The following CCPG1 variants were observed in gnomAD, a reference collection of about 807,000 sequenced individuals.
The protein encoded by CCPG1 is cell cycle progression 1.
Under a neutral mutation model 81.3 loss-of-function variants are expected in CCPG1, and 46 were observed. The observed-to-expected ratio is 0.57, with a 90% CI of 0.45 to 0.72. CCPG1 has a LOEUF of 0.72. Ranked by LOEUF, CCPG1 falls within the 30% of genes least tolerant of loss-of-function variation. The pLI is 0.00. For synonymous variants in CCPG1, 330 were observed against 305.2 expected, an observed-to-expected ratio of 1.08 and a Z score of -0.85; for missense variants, 902 against 937.6, an observed-to-expected ratio of 0.96 and a Z score of 0.50.
chr15:55,371,048 G>C (rs2056438904), intron 6 of CCPG1, among the ~76,000 whole-genome samples: 1 of 152,052 alleles, frequency 6.6e-6, no homozygotes, highest in Non-Finnish European at 1.5e-5. Context: ...TGGGAGTGGA[G>C]TTTGCATTGA....
chr15:55,377,029 A>G lies in CCPG1; in HGVS notation c.374T>C (p.Val125Ala). The G allele has an allele frequency of 6.2e-7, 1 of 1,613,974 alleles. No homozygotes were observed. The highest frequency in any genetic ancestry group is 8.5e-7 in the Non-Finnish European group (1 of 1,179,952). The change falls in exon 5 of 9, where the codon GTT (valine) becomes GCT (alanine). Residue 125 changes from valine to alanine, a missense_variant. Transcript: ENST00000442196. ...GTCTTCTGAACTCTGTGCTTCTTCA[A>G]CAATGACAACTTCTTGATTTCCAAT... ...EEIGNQEVVI[V>A]EEAQSSEDFN...
At chr15:55,362,323 A>C (rs2056218910) in intron 7 of CCPG1, among the ~76,000 whole-genome samples, 1 of 146,432 alleles carries the variant, frequency 6.8e-6, no homozygotes, top group African/African-American at 2.7e-5. Context: ...GGATTCAGAA[A>C]TAAGAAAAAA....
intron 8 of CCPG1, chr15:55,358,372 C>G (rs1317116247): frequency 1.0e-6 from 1 of 985,280 alleles, no homozygotes; most frequent in East Asian, 1.1e-4. Context: ...CTACTGTAAT[C>G]TAAAATACAA....
At chr15:55,387,680 G>A (rs1233250368) in intron 2 of CCPG1, among the ~76,000 whole-genome samples, 3 of 151,602 alleles carry the variant, frequency 2.0e-5, no homozygotes, top group Non-Finnish European at 4.4e-5. Context: ...AAATAGCTGG[G>A]ATTACAGGCA....
In CCPG1 at chr15:55,378,360, G is replaced by A. The variant is rs2056609309; in HGVS notation, c.192C>T (p.Gly64=). ...QIEQGESSQN[G]TVLMEETAYP... is the part of the protein sequence containing the mutation. ...AAGCAGTTTCTTCCATAAGCACTGT[G>A]CCATTTTGGCTGCTTTCTGATATAA... The change falls in exon 4 of 9, where the codon GGC becomes GGT. Residue 64 remains glycine (G), a synonymous_variant. Coordinates refer to ENST00000442196, the MANE Select transcript of CCPG1 (RefSeq NM_001204450.2). 6.2e-7 allele frequency: 1 copy of A among 1,607,684 alleles called. No homozygotes were observed. Among genetic ancestry groups the A allele is most frequent in the Non-Finnish European group, 8.5e-7 (1 of 1,176,310 alleles).
At chr15:55,369,026 C>T (rs969182832) in intron 6 of CCPG1, among the ~76,000 whole-genome samples, 2 of 151,990 alleles carry the variant, frequency 1.3e-5, no homozygotes, top group Non-Finnish European at 2.9e-5. Flanking sequence ...ACAGAAGGAT[C>T]GCTTGAACCT....
chr15:55,397,205 C>G (rs2057036098), intron 1 of CCPG1, among the ~76,000 whole-genome samples: 1 of 148,710 alleles, frequency 6.7e-6, no homozygotes, highest in South Asian at 2.1e-4. Flanking sequence ...CAGAGCGAGA[C>G]TCCGTCTCAA....
chr15:55,389,240 G>C (rs1416173281), intron 2 of CCPG1, 125 bp downstream of exon 2: 2 of 665,166 alleles, frequency 3.0e-6, no homozygotes, highest in Non-Finnish European at 5.3e-6. Context: ...TAATATGAGA[G>C]GGAAAATGTC....
intron 6 of CCPG1, among the ~76,000 whole-genome samples, chr15:55,369,665 T>C (rs1433186798): frequency 1.3e-5 from 2 of 152,230 alleles, no homozygotes; most frequent in African/African-American, 2.4e-5. Flanking sequence ...AGGCTTTTCA[T>C]AGCCTGAAAA....
intron 2 of CCPG1, among the ~76,000 whole-genome samples, chr15:55,387,773 G>T (rs72744104): frequency 0.24 from 35,160 of 149,044 alleles, 5,234 homozygotes; most frequent in Non-Finnish European, 0.34. Flanking sequence ...TCGAACTCCC[G>T]ACCTCAGTGA....
chr15:55,407,228 C>A (rs1377940791), intron 1 of CCPG1, among the ~76,000 whole-genome samples: 9 of 144,990 alleles, frequency 6.2e-5, no homozygotes, highest in Admixed American at 6.9e-5. Flanking sequence ...AACCCTCTCT[C>A]AAAAAAAAAA....
rs148837444 is a variant in CCPG1, at chr15:55,359,396, A to C, written c.2234+143T>G. ...AATAATTTTTAGACTCCATCTTTCA[A>C]TTTATTCTGAATTCTCTCAGTGGCC... On this transcript the variant is annotated intron_variant, in intron 8 of 8. Transcript: ENST00000442196. The C allele has an allele frequency of 2.9e-4, 410 of 1,418,444 alleles. 3 individuals are homozygous for C. The African/African-American group carries it at 5.1e-3, about 18-fold the overall frequency. 87.9% of individuals were successfully genotyped at this position (1,418,444 alleles called of 1,614,324 possible).
chr15:55,376,894 T>C, intron 5 of CCPG1, 55 bp downstream of exon 5: 2 of 1,303,892 alleles, frequency 1.5e-6, no homozygotes, highest in Non-Finnish European at 2.2e-6. Context: ...AAAACAAGCC[T>C]TTATATAAAA....
At chr15:55,372,867 T>G in intron 5 of CCPG1, 1 of 498,030 alleles carries the variant, frequency 2.0e-6, no homozygotes, top group South Asian at 1.5e-5. Flanking sequence ...GGTCTCTAGT[T>G]TCATTTCCAA....
In CCPG1 at chr15:55,372,060, T is replaced by C. The variant is rs770521456; in HGVS notation, c.455-16A>G. The C allele has an allele frequency of 9.3e-6, 15 of 1,606,366 alleles. No homozygotes were observed. The highest frequency in any genetic ancestry group is 5.6e-5 in the South Asian group (5 of 89,928). ...GATGAAAATACTATTAAGAAAAAAG[T>C]TGACATTTAGCTATTCAAAATCTTG... On this transcript the variant is annotated splice_polypyrimidine_tract_variant and intron_variant, in intron 5 of 8. Coordinates refer to ENST00000442196, the MANE Select transcript of CCPG1 (RefSeq NM_001204450.2).
At chr15:55,361,170 G>C (rs796303719) in intron 7 of CCPG1, among the ~76,000 whole-genome samples, 10 of 150,862 alleles carry the variant, frequency 6.6e-5, no homozygotes, top group African/African-American at 2.4e-4. Flanking sequence ...CATGGTGTAA[G>C]AATTTTTTTT....
chr15:55,360,143 A>G lies in CCPG1; in HGVS notation c.1630T>C (p.Phe544Leu). The G allele has an allele frequency of 6.2e-7, 1 of 1,613,600 alleles. No individual in the cohort carries two copies. Residue 544 changes from phenylalanine to leucine, a missense_variant, in exon 8 of 9, where the codon TTT becomes CTT. Transcript: ENST00000442196. ...AATCTTTTATTACCCTTTTCATCAA[A>G]GATATTCTTGGTGGTATCTTTAAAG... ...RHFKDTTKNIFDEKGNKRFGA... is the reference protein window; with the variant it reads ...RHFKDTTKNILDEKGNKRFGA...
rs752529724 is a variant in CCPG1 at position 55,382,511 on chromosome 15, CT to C, written c.175+3088del. Among the ~76,000 whole-genome samples the C allele has an allele frequency of 3.4e-3, 481 of 139,816 alleles. 1 individual carries two copies. Among genetic ancestry groups the C allele is most frequent in the African/African-American group, 4.5e-3 (171 of 38,226 alleles). The allele number at this position is 139,816 out of a possible 152,430, so 91.7% of individuals were successfully genotyped here. A position where few individuals can be genotyped will look rare whatever the true frequency, so the allele number is the denominator to read the frequency against. On this transcript the variant is annotated intron_variant, in intron 3 of 8. Coordinates refer to ENST00000442196, the MANE Select transcript of CCPG1 (RefSeq NM_001204450.2). ...TGGATCACATTTTCAGGATCCACTT[CT>C]TTTTTTTTTTTTTTTGAGACAGAGT...
chr15:55,397,078 G>C (rs1263105297), intron 1 of CCPG1, among the ~76,000 whole-genome samples: 1 of 152,148 alleles, frequency 6.6e-6, no homozygotes, highest in East Asian at 1.9e-4. Flanking sequence ...GCCGGGCGTG[G>C]TAGCGGGCGC....
Sources: allele counts gnomAD v4.1 joint callset (sites outside exome capture counted in the v4.1 genomes callset), GRCh38; gene constraint gnomAD v4.1.1; transcripts MANE v1.5; gene names NCBI Gene and HGNC (gene_info 2026-07-23, HGNC 2026-07-21).